The following GDAP1 variants were observed in gnomAD, a reference collection of about 807,000 sequenced individuals.
The protein encoded by GDAP1 is ganglioside-induced differentiation-associated protein 1.
In GDAP1, 34 loss-of-function variants were observed where a neutral mutation model predicts 40.1. The observed-to-expected ratio is 0.85, with a 90% CI of 0.64 to 1.13. The LOEUF is 1.13. Ranked by LOEUF, GDAP1 falls within the 50% of genes most tolerant of loss-of-function variation. GDAP1 has a pLI of 0.00. For missense variants in GDAP1, 374 were observed against 433.7 expected (o/e 0.86, Z 1.22); for synonymous variants, 170 against 157.4 (o/e 1.08, Z -0.60).
At chr8:74,433,238 T>G (rs2131566024) in intron 2 of GDAP1, among the ~76,000 whole-genome samples, 1 of 152,332 alleles carries the variant, frequency 6.6e-6, no homozygotes, top group East Asian at 1.9e-4. Context: ...ACTATTTTCT[T>G]TATAAAACTT....
intron 2 of GDAP1, among the ~76,000 whole-genome samples, chr8:74,439,126 T>C (rs1458195695): frequency 1.3e-5 from 2 of 152,056 alleles, no homozygotes; most frequent in Non-Finnish European, 2.9e-5. Context: ...TTATTTGTGG[T>C]TCTCACTTTT....
chr8:74,396,581 C>T lies in GDAP1; in HGVS notation c.165+45260C>T, dbSNP rs1810203483. Among the ~76,000 whole-genome samples the T allele has an allele frequency of 3.9e-5, 6 of 151,994 alleles. No individual in the cohort carries two copies. In the South Asian group the frequency reaches 1.3e-3, roughly 32 times the overall value. On this transcript the variant is annotated intron_variant, in intron 2 of 2. Coordinates refer to the GDAP1 transcript ENST00000523640. The stretch of plus-strand genomic sequence containing the variant: ...CCATGTGTTCTCATTGTTCAATTCC[C>T]ACCTATGAGTGAGAACATGTGGTGT...
intron 2 of GDAP1, among the ~76,000 whole-genome samples, chr8:74,444,253 T>C (rs7000355): frequency 2.1e-5 from 3 of 145,998 alleles, no homozygotes; most frequent in South Asian, 2.3e-4. Flanking sequence ...CACACACACT[T>C]CCCTTTTCCC....
intron 2 of GDAP1, among the ~76,000 whole-genome samples, chr8:74,426,960 A>G (rs1223144320): frequency 6.6e-6 from 1 of 152,214 alleles, no homozygotes; most frequent in Non-Finnish European, 1.5e-5. Context: ...GTAGATTGTT[A>G]TAACCATGGC....
intron 2 of GDAP1, among the ~76,000 whole-genome samples, chr8:74,418,696 T>C (rs1805815859): frequency 1.3e-5 from 2 of 152,182 alleles, no homozygotes; most frequent in South Asian, 2.1e-4. Flanking sequence ...AATAAAACTT[T>C]TGCTCTCTGT....
At position 74,453,184 on chromosome 8, in the gene GDAP1, G is replaced by C. The variant is rs1240940210; in HGVS notation, c.166-35494G>C. 7.2e-5 allele frequency among the ~76,000 whole-genome samples: 6 copies of C among 83,630 alleles called. 3 individuals are homozygous for C. Among genetic ancestry groups the C allele is most frequent in the East Asian group, 7.0e-4 (2 of 2,874 alleles). The allele number at this position is 83,630 out of a possible 152,430, so 54.9% of individuals were successfully genotyped here. ...TTTAGTGAGCAGCAGCTATAACGTAGTGTTAATTTCAGGGGCAAACATGGG... is the reference window on the plus strand; with the variant it reads ...TTTAGTGAGCAGCAGCTATAACGTACTGTTAATTTCAGGGGCAAACATGGG... On this transcript the variant is annotated intron_variant, in intron 2 of 2. Coordinates refer to the GDAP1 transcript ENST00000523640.
chr8:74,413,861 G>C (rs1435053138), intron 2 of GDAP1, among the ~76,000 whole-genome samples: 1 of 149,584 alleles, frequency 6.7e-6, no homozygotes, highest in Non-Finnish European at 1.5e-5. Context: ...AAGCACTAGA[G>C]AACAGGAAAG....
intron 2 of GDAP1, among the ~76,000 whole-genome samples, chr8:74,352,728 C>G (rs1808940338): frequency 6.6e-6 from 1 of 152,096 alleles, no homozygotes; most frequent in Admixed American, 6.6e-5. Flanking sequence ...ATGCTGGGGA[C>G]TGTACTGAAA....
intron 2 of GDAP1, among the ~76,000 whole-genome samples, chr8:74,389,448 T>A (rs1810075150): frequency 6.6e-6 from 1 of 152,230 alleles, no homozygotes; most frequent in South Asian, 2.1e-4. Context: ...TTAATTAGGC[T>A]GGATATGAAA....
chr8:74,368,091 A>G (rs1163605033), downstream of GDAP1, among the ~76,000 whole-genome samples: 1 of 152,198 alleles, frequency 6.6e-6, no homozygotes, highest in Admixed American at 6.5e-5. Flanking sequence ...TTTATTACTT[A>G]TGCATTGATT....
chr8:74,397,865 T>G (rs7843217), intron 2 of GDAP1, among the ~76,000 whole-genome samples: 147,664 of 148,774 alleles, frequency 0.99, 73,287 homozygotes, highest in Middle Eastern at 1. Flanking sequence ...ATATGAACTT[T>G]AAAGTAGTTT....
In GDAP1 at chr8:74,350,493, G is replaced by T. The variant is rs755106962; in HGVS notation, c.32G>T (p.Ser11Ile). 8 of 1,612,352 alleles carry T rather than the reference G, an allele frequency of 5.0e-6. No individual in the cohort carries two copies. The South Asian group carries it at 6.6e-5, about 13-fold the overall frequency. The change falls in exon 1 of 6, where the codon AGC (serine) becomes ATC (isoleucine). Residue 11 changes from serine to isoleucine, a missense_variant. Physicochemically the swap from Ser to Ile is moderately radical, Grantham distance 142 (BLOSUM62 -2). Coordinates refer to ENST00000220822, the MANE Select transcript of GDAP1 (RefSeq NM_018972.4). ...GAGAGGCAGGAAGAGCAGAGAGGGA[G>T]CCCGCCCTTGAGGGCGGAAGGCAAG... MAERQEEQRG[S>I]PPLRAEGKAD... is the part of the protein sequence containing the mutation.
At chr8:74,433,683 C>T (rs1806054121) in intron 2 of GDAP1, among the ~76,000 whole-genome samples, 1 of 152,066 alleles carries the variant, frequency 6.6e-6, no homozygotes, top group South Asian at 2.1e-4. Context: ...TTAAACTTGC[C>T]TAGAGAGAGT....
chr8:74,444,743 A>G (rs1014371905), intron 2 of GDAP1, among the ~76,000 whole-genome samples: 1 of 152,210 alleles, frequency 6.6e-6, no homozygotes, highest in Non-Finnish European at 1.5e-5. Flanking sequence ...TTTATTCTAA[A>G]TGAATTGGAT....
At chr8:74,418,454 G>A (rs1257455311) in intron 2 of GDAP1, among the ~76,000 whole-genome samples, 1 of 152,236 alleles carries the variant, frequency 6.6e-6, no homozygotes, top group East Asian at 1.9e-4. Flanking sequence ...AATGTTTTTG[G>A]CAAGTAGTAT....
intron 2 of GDAP1, among the ~76,000 whole-genome samples, chr8:74,426,493 T>C (rs114072037): frequency 2.5e-4 from 38 of 152,356 alleles, no homozygotes; most frequent in African/African-American, 8.9e-4. Flanking sequence ...GCTCTTGCTA[T>C]CAATATTTGC....
chr8:74,420,820 T>A (rs943139508), intron 2 of GDAP1, among the ~76,000 whole-genome samples: 6 of 151,198 alleles, frequency 4.0e-5, no homozygotes, highest in East Asian at 1.9e-4. Context: ...ATTTTTTTTT[T>A]AATGTTTCAG....
chr8:74,479,757 G>A (rs933870830), intron 2 of GDAP1, among the ~76,000 whole-genome samples: 1 of 152,144 alleles, frequency 6.6e-6, no homozygotes, highest in Non-Finnish European at 1.5e-5. Flanking sequence ...CTGTCAGGGT[G>A]TCAGGGTTGC....
intron 2 of GDAP1, among the ~76,000 whole-genome samples, chr8:74,470,569 C>T (rs867856357): frequency 3.3e-5 from 5 of 152,156 alleles, no homozygotes; most frequent in Admixed American, 2.0e-4. Context: ...CATGTCCCTA[C>T]AAAGGACATG....
Sources: gnomAD v4.1 joint callset for allele counts (sites outside exome capture counted in the v4.1 genomes callset) on GRCh38, gnomAD v4.1.1 for gene constraint, MANE v1.5 for transcripts, NCBI Gene and HGNC (gene_info 2026-07-23, HGNC 2026-07-21) for gene names.